GPC5: variants seen among roughly 807,000 people sequenced by gnomAD.
GPC5 encodes glypican 5, also known as glypican-5.
Under a neutral mutation model 53.9 loss-of-function variants are expected in GPC5, and 47 were observed. The observed-to-expected ratio is 0.87, with a 90% CI of 0.69 to 1.11. The LOEUF (loss-of-function observed/expected upper bound fraction) is 1.11. Among genes scored for constraint, GPC5 ranks in the 50% most tolerant of loss-of-function variants. The probability of loss-of-function intolerance (pLI) is 0.00; values close to 1 mark genes in which losing one functional copy is unlikely to be tolerated. For synonymous variants in GPC5, 286 were observed against 263.3 expected, an observed-to-expected ratio of 1.09 and a Z score of -0.84; for missense variants, 748 against 713.1, an observed-to-expected ratio of 1.05 and a Z score of -0.56.
intron 2 of GPC5, among the ~76,000 whole-genome samples, chr13:91,590,072 AATAT>A (rs2032741043): frequency 1.3e-5 from 2 of 151,722 alleles, no homozygotes; most frequent in African/African-American, 4.8e-5. Context: ...TTGTTTTATA[AATAT>A]ATATATGACC....
chr13:92,357,807 C>A lies in GPC5; in HGVS notation c.1561+212818C>A, dbSNP rs1445277893. ...AGAACAGCAAGAGGAAAATGTGCCC[C>A]CATGACCCAATCACATCCCTGCAGG... On this transcript the variant is annotated intron_variant, in intron 7 of 7. Coordinates refer to ENST00000377067, the MANE Select transcript of GPC5 (RefSeq NM_004466.6). Among the ~76,000 whole-genome samples the A allele has an allele frequency of 1.3e-5, 2 of 151,428 alleles. 1 individual carries two copies. Among genetic ancestry groups the A allele is most frequent in the African/African-American group, 4.9e-5 (2 of 40,768 alleles).
At chr13:92,572,339 G>A (rs1883053172) in intron 7 of GPC5, among the ~76,000 whole-genome samples, 1 of 152,134 alleles carries the variant, frequency 6.6e-6, no homozygotes, top group South Asian at 2.1e-4. Context: ...CTTTCTGAGT[G>A]TCCAACCATT....
chr13:92,109,126 G>A (rs2041535722), intron 6 of GPC5, among the ~76,000 whole-genome samples: 1 of 147,190 alleles, frequency 6.8e-6, no homozygotes, highest in Admixed American at 6.9e-5. Flanking sequence ...GAGTGCAGTG[G>A]CACAATCTCG....
At chr13:92,840,003 T>C (rs1400974271) in intron 7 of GPC5, among the ~76,000 whole-genome samples, 9 of 150,350 alleles carry the variant, frequency 6.0e-5, no homozygotes, top group Admixed American at 4.7e-4. Context: ...ATTGTGGTAA[T>C]ATTGGCATGA....
At chr13:92,194,125 C>T (rs762458835) in intron 7 of GPC5, among the ~76,000 whole-genome samples, 1 of 152,136 alleles carries the variant, frequency 6.6e-6, no homozygotes, top group Non-Finnish European at 1.5e-5. Context: ...AGTACTATTA[C>T]TTCTTTATGG....
At chr13:92,524,805 C>T (rs1490847095) in intron 7 of GPC5, among the ~76,000 whole-genome samples, 3 of 152,220 alleles carry the variant, frequency 2.0e-5, no homozygotes, top group Non-Finnish European at 4.4e-5. Flanking sequence ...TTAACAGTCA[C>T]ATCATTTTTA....
At chr13:92,791,192 C>T (rs1876447987) in intron 7 of GPC5, among the ~76,000 whole-genome samples, 1 of 151,962 alleles carries the variant, frequency 6.6e-6, no homozygotes, top group Admixed American at 6.6e-5. Context: ...GATAAGTTTC[C>T]AAGTCACAGA....
chr13:92,369,380 G>T (rs1282477505), intron 7 of GPC5, among the ~76,000 whole-genome samples: 1 of 152,164 alleles, frequency 6.6e-6, no homozygotes, highest in Non-Finnish European at 1.5e-5. Flanking sequence ...GTTTTGCCAT[G>T]TTGGCCAGGC....
At chr13:91,940,011 T>G (rs2039910261) in intron 6 of GPC5, among the ~76,000 whole-genome samples, 2 of 152,108 alleles carry the variant, frequency 1.3e-5, no homozygotes, top group Non-Finnish European at 2.9e-5. Context: ...CCAACCTAGA[T>G]TCCACTCTCC....
chr13:92,316,886 T>C (rs1007827039), intron 7 of GPC5, among the ~76,000 whole-genome samples: 6 of 152,164 alleles, frequency 3.9e-5, no homozygotes, highest in Admixed American at 2.6e-4. Context: ...TGTTTTTCTC[T>C]TAATCACTCA....
At chr13:92,066,556 C>T (rs906802374) in intron 6 of GPC5, among the ~76,000 whole-genome samples, 3 of 151,992 alleles carry the variant, frequency 2.0e-5, no homozygotes, top group Non-Finnish European at 2.9e-5. Flanking sequence ...CATAGCAAAG[C>T]GCACATTATA....
At chr13:91,696,874 A>G (rs2035889797) in intron 3 of GPC5, among the ~76,000 whole-genome samples, 1 of 152,210 alleles carries the variant, frequency 6.6e-6, no homozygotes, top group Non-Finnish European at 1.5e-5. Flanking sequence ...GGTAACAAAG[A>G]GTAGGAATTA....
At chr13:91,883,540 C>T (rs2039290069) in intron 5 of GPC5, among the ~76,000 whole-genome samples, 1 of 152,130 alleles carries the variant, frequency 6.6e-6, no homozygotes, top group African/African-American at 2.4e-5. Context: ...AAGAGCATTC[C>T]AAAGAGAGAA....
At chr13:91,890,666 T>G (rs1566325858) in intron 5 of GPC5, among the ~76,000 whole-genome samples, 1 of 152,240 alleles carries the variant, frequency 6.6e-6, no homozygotes, top group Non-Finnish European at 1.5e-5. Flanking sequence ...TTAGGAGTTG[T>G]CCTGCAGTAA....
chr13:92,430,613 G>A (rs912504030), intron 7 of GPC5, among the ~76,000 whole-genome samples: 17 of 152,066 alleles, frequency 1.1e-4, no homozygotes, highest in Admixed American at 8.5e-4. Flanking sequence ...TCATGCCCAC[G>A]TTACAGGTAG....
chr13:91,679,124 T>G (rs1434327118), intron 2 of GPC5, among the ~76,000 whole-genome samples: 1 of 152,148 alleles, frequency 6.6e-6, no homozygotes, highest in African/African-American at 2.4e-5. Context: ...AGAGAGATAT[T>G]AAGGCAATAT....
chr13:91,588,029 G>T (rs181855789), intron 2 of GPC5, among the ~76,000 whole-genome samples: 1 of 152,216 alleles, frequency 6.6e-6, no homozygotes, highest in African/African-American at 2.4e-5. Context: ...GCTTCACATT[G>T]AAACCACTGC....
At chr13:92,787,342 G>T (rs1464051775) in intron 7 of GPC5, among the ~76,000 whole-genome samples, 1 of 151,870 alleles carries the variant, frequency 6.6e-6, no homozygotes, top group Non-Finnish European at 1.5e-5. Context: ...ACTATATTAT[G>T]AAACAAAATC....
At chr13:91,487,102 G>C (rs1360091389) in intron 2 of GPC5, among the ~76,000 whole-genome samples, 1 of 152,078 alleles carries the variant, frequency 6.6e-6, no homozygotes, top group East Asian at 1.9e-4. Context: ...ACCTTCTGAG[G>C]GTTTGCTGAA....
Sources: gnomAD v4.1 joint callset for allele counts (sites outside exome capture counted in the v4.1 genomes callset) on GRCh38, gnomAD v4.1.1 for gene constraint, MANE v1.5 for transcripts, NCBI Gene and HGNC (gene_info 2026-07-23, HGNC 2026-07-21) for gene names.